The following FAM162B variants were observed in gnomAD, a reference collection of about 807,000 sequenced individuals.
The protein encoded by FAM162B is protein FAM162B.
A neutral mutation model predicts 20.0 loss-of-function variants in FAM162B; 16 were observed. The ratio of observed to expected loss-of-function variants is 0.80; its 90% CI spans 0.54 to 1.21. The LOEUF is 1.21. Among genes scored for constraint, FAM162B ranks in the 50% most tolerant of loss-of-function variants. FAM162B has a pLI of 0.00. For missense variants in FAM162B, 260 were observed against 227.5 expected (o/e 1.14, Z -0.92); for synonymous variants, 83 against 89.7 (o/e 0.93, Z 0.42).
intron 3 of FAM162B, among the ~76,000 whole-genome samples, chr6:116,757,923 T>C (rs1039383001): frequency 1.3e-5 from 2 of 152,164 alleles, no homozygotes; most frequent in African/African-American, 4.8e-5. Flanking sequence ...ACAGTGTATA[T>C]AGACAGGTCT....
At chr6:116,763,535 C>T (rs1240458164) in intron 2 of FAM162B, among the ~76,000 whole-genome samples, 3 of 152,184 alleles carry the variant, frequency 2.0e-5, no homozygotes, top group Admixed American at 1.3e-4. Context: ...TTATAGGCAT[C>T]CTGTTCTTAG....
Position 116,765,386 on chromosome 6 carries a change from C to G in FAM162B, c.172+19G>C. On this transcript the variant is annotated intron_variant, in intron 1 of 3. Transcript: ENST00000368557. ...AACCTCCTCCCTCCCAGGACCTCCC[C>G]GTCGGAGCCCTGGCTCACCGTGACC... 1.4e-6 allele frequency: 2 copies of G among 1,480,008 alleles called. No homozygotes were observed. The highest frequency in any genetic ancestry group is 1.8e-6 in the Non-Finnish European group (2 of 1,112,516). 91.7% of individuals were successfully genotyped at this position (1,480,008 alleles called of 1,614,324 possible). A position where few individuals can be genotyped will look rare whatever the true frequency, so the allele number is the denominator to read the frequency against.
chr6:116,763,067 G>C (rs1771824374), intron 2 of FAM162B, among the ~76,000 whole-genome samples: 1 of 151,930 alleles, frequency 6.6e-6, no homozygotes, highest in Non-Finnish European at 1.5e-5. Context: ...CTGGTTAAAA[G>C]ACTACAGAAA....
chr6:116,761,633 T>C (rs1302827705), intron 3 of FAM162B, among the ~76,000 whole-genome samples: 2 of 143,330 alleles, frequency 1.4e-5, no homozygotes, highest in African/African-American at 2.6e-5. Context: ...CACATATATA[T>C]ACATATATAT....
At chr6:116,757,332 TAATA>T (rs1780061909) in intron 3 of FAM162B, among the ~76,000 whole-genome samples, 1 of 152,226 alleles carries the variant, frequency 6.6e-6, no homozygotes, top group East Asian at 1.9e-4. Context: ...TTGTAGATAA[TAATA>T]AAGCATTTCA....
At chr6:116,758,289 G>A (rs1339917922) in intron 3 of FAM162B, among the ~76,000 whole-genome samples, 1 of 152,190 alleles carries the variant, frequency 6.6e-6, no homozygotes, top group East Asian at 1.9e-4. Context: ...GGGGAGGACT[G>A]TGGAGGTGTA....
At chr6:116,761,446 G>C (rs1443570372) in intron 3 of FAM162B, among the ~76,000 whole-genome samples, 1 of 151,806 alleles carries the variant, frequency 6.6e-6, no homozygotes, top group Non-Finnish European at 1.5e-5. Context: ...GAATGATCTA[G>C]TCTGGATAAC....
At chr6:116,758,968 A>G (rs988943291) in intron 3 of FAM162B, among the ~76,000 whole-genome samples, 2 of 152,034 alleles carry the variant, frequency 1.3e-5, no homozygotes, top group Admixed American at 6.6e-5. Context: ...CTCCCTTAGA[A>G]CTATTATTTT....
At position 116,765,164 on chromosome 6, in the gene FAM162B, C is replaced by G; in HGVS notation, c.264G>C (p.Glu88Asp). 1 of 1,613,672 alleles carries G rather than the reference C, an allele frequency of 6.2e-7. No individual in the cohort carries two copies. The highest frequency in any genetic ancestry group is 8.5e-7 in the Non-Finnish European group (1 of 1,179,948). Residue 88 changes from glutamate (E) to aspartate (D), a missense_variant, in exon 2 of 4, where the codon GAG becomes GAC. Glu to Asp is a conservative substitution (Grantham distance 45). Transcript: ENST00000368557. Reference sequence around the variant, plus strand: ...ACACTTACGGGATCCGAGGCGGGATCTCCTCCATCGATTTGAAACGCCCTG... The same window carrying G: ...ACACTTACGGGATCCGAGGCGGGATGTCCTCCATCGATTTGAAACGCCCTG... ...LWTGRFKSME[E>D]IPPRIPPEMI...
intron 3 of FAM162B, among the ~76,000 whole-genome samples, chr6:116,753,532 A>G (rs1780015627): frequency 6.6e-6 from 1 of 152,136 alleles, no homozygotes; most frequent in Admixed American, 6.5e-5. Context: ...GTTGACATCA[A>G]CTGAGAGGAG....
At position 116,752,707 on chromosome 6, in the gene FAM162B, A is replaced by T; in HGVS notation, c.391-12T>A. The T allele has an allele frequency of 9.3e-7, 1 of 1,075,246 alleles. No homozygotes were observed. Among genetic ancestry groups the T allele is most frequent in the Non-Finnish European group, 1.3e-6 (1 of 782,946 alleles). The allele number at this position is 1,075,246 out of a possible 1,614,324, so 66.6% of individuals were successfully genotyped here. On this transcript the variant is annotated splice_polypyrimidine_tract_variant and intron_variant, in intron 3 of 3. Transcript: ENST00000368557. ...TGTCGTTCTACAGCCTGTGGGGGGG[A>T]AGAAATATATATATATATATATATA...
At position 116,765,456 on chromosome 6, in the gene FAM162B, G is replaced by T; in HGVS notation, c.121C>A (p.Pro41Thr). The T allele has an allele frequency of 7.0e-7, 1 of 1,438,356 alleles. No individual in the cohort carries two copies. Among genetic ancestry groups the T allele is most frequent in the Non-Finnish European group, 9.1e-7 (1 of 1,097,150 alleles). The allele number at this position is 1,438,356 out of a possible 1,614,324, so 89.1% of individuals were successfully genotyped here. ...PAPALPPRGL[P>T]CYSSGGAPSN... ...GGGGCCCCGCCGCTGGAGTAGCAGG[G>T]GAGACCCCGGGGCGGAAGAGCCGGT... Residue 41 changes from proline to threonine, a missense_variant, in exon 1 of 4, where the codon CCC (proline) becomes ACC (threonine). Transcript: ENST00000368557.
intron 3 of FAM162B, among the ~76,000 whole-genome samples, chr6:116,753,421 T>C (rs1780014025): frequency 6.6e-6 from 1 of 152,178 alleles, no homozygotes; most frequent in African/African-American, 2.4e-5. Context: ...TATATTGGTA[T>C]CTCAGGAGAG....
chr6:116,761,115 T>TTA (rs1780135633), intron 3 of FAM162B, among the ~76,000 whole-genome samples: 1 of 152,078 alleles, frequency 6.6e-6, no homozygotes, highest in Admixed American at 6.6e-5. Flanking sequence ...AGAAGGAAGT[T>TTA]GTTAGAGTGG....
chr6:116,756,906 G>A (rs946962305), intron 3 of FAM162B, among the ~76,000 whole-genome samples: 4 of 152,134 alleles, frequency 2.6e-5, no homozygotes, highest in African/African-American at 9.7e-5. Context: ...TATCTCTGAG[G>A]TATGCCTGTT....
chr6:116,755,028 G>C (rs528410954), intron 3 of FAM162B, among the ~76,000 whole-genome samples: 30 of 152,198 alleles, frequency 2.0e-4, no homozygotes, highest in African/African-American at 6.7e-4. Context: ...CCTATTCCTT[G>C]AGATGCAACA....
chr6:116,765,482 G>A lies in FAM162B; in HGVS notation c.95C>T (p.Ala32Val). Residue 32 changes from alanine to valine, a missense_variant, in exon 1 of 4, where the codon GCA becomes GTA. Ala to Val is a moderately conservative substitution (Grantham distance 64, BLOSUM62 0). Transcript: ENST00000368557. ...GAGACCCCGGGGCGGAAGAGCCGGT[G>A]CGGGCCGTCGCGTGGCCTCGAGAGG... is the stretch of plus-strand genomic sequence containing the variant. ...GAPLEATRRP[A>V]PALPPRGLPC... is the part of the protein sequence containing the mutation. 1 of 1,410,308 alleles carries A rather than the reference G, an allele frequency of 7.1e-7. No individual in the cohort carries two copies. The allele number at this position is 1,410,308 out of a possible 1,614,324, so 87.4% of individuals were successfully genotyped here.
intron 3 of FAM162B, 115 bp downstream of exon 3, chr6:116,761,862 C>T: frequency 1.6e-6 from 1 of 640,764 alleles, no homozygotes; most frequent in East Asian, 2.7e-5. Context: ...TAAAATTCAC[C>T]CTTTGGGCTG....
chr6:116,752,719 T>G, intron 3 of FAM162B, 24 bp from the exon 4 acceptor site: 1 of 579,304 alleles, frequency 1.7e-6, no homozygotes, highest in Non-Finnish European at 2.5e-6. Flanking sequence ...GAAATATATA[T>G]ATATATATAT....
Sources: allele counts gnomAD v4.1 joint callset (sites outside exome capture counted in the v4.1 genomes callset), GRCh38; gene constraint gnomAD v4.1.1; transcripts MANE v1.5; gene names NCBI Gene and HGNC (gene_info 2026-07-23, HGNC 2026-07-21).